MACROD2: variants seen among roughly 807,000 people sequenced by gnomAD.
MACROD2 encodes mono-ADP ribosylhydrolase 2, also known as ADP-ribose glycohydrolase MACROD2.
In MACROD2, 36 loss-of-function variants were observed where a neutral mutation model predicts 70.4. The ratio of observed to expected loss-of-function variants is 0.51; its 90% CI spans 0.39 to 0.68. The LOEUF is 0.68. MACROD2 is among the 30% of genes least tolerant of loss of function. The probability of loss-of-function intolerance (pLI) is 0.00; values close to 1 mark genes in which losing one functional copy is unlikely to be tolerated. For missense variants in MACROD2, 496 were observed against 538.4 expected (o/e 0.92, Z 0.78); for synonymous variants, 172 against 178.8 (o/e 0.96, Z 0.30).
chr20:15,651,641 G>T (rs530715930), intron 8 of MACROD2, among the ~76,000 whole-genome samples: 11 of 152,150 alleles, frequency 7.2e-5, no homozygotes, highest in African/African-American at 1.7e-4. Flanking sequence ...CAGTGACTCC[G>T]CTTTCAATCC....
chr20:15,520,933 G>C (rs1221697387), intron 8 of MACROD2, among the ~76,000 whole-genome samples: 1 of 152,248 alleles, frequency 6.6e-6, no homozygotes, highest in Admixed American at 6.5e-5. Flanking sequence ...TCATGGCGGA[G>C]CTGCAGCCCT....
chr20:15,450,712 G>A (rs2046629513), intron 7 of MACROD2, among the ~76,000 whole-genome samples: 1 of 152,128 alleles, frequency 6.6e-6, no homozygotes, highest in South Asian at 2.1e-4. Context: ...GTGACAATGA[G>A]CTTTCTCCCA....
chr20:15,147,745 A>G (rs903595282), intron 5 of MACROD2, among the ~76,000 whole-genome samples: 2 of 152,154 alleles, frequency 1.3e-5, no homozygotes, highest in African/African-American at 2.4e-5. Context: ...TGTGAGCAAC[A>G]AGACTGTTTA....
chr20:15,170,555 G>A (rs1241673438), intron 5 of MACROD2, among the ~76,000 whole-genome samples: 1 of 152,138 alleles, frequency 6.6e-6, no homozygotes, highest in African/African-American at 2.4e-5. Flanking sequence ...GGGAGAGTTA[G>A]GACATGCTGG....
chr20:15,176,048 T>A (rs1054826945), intron 5 of MACROD2, among the ~76,000 whole-genome samples: 1 of 152,176 alleles, frequency 6.6e-6, no homozygotes, highest in African/African-American at 2.4e-5. Context: ...CAGAGCAAAG[T>A]TGTGGCTGAG....
intron 5 of MACROD2, among the ~76,000 whole-genome samples, chr20:14,955,229 A>G (rs2074523899): frequency 7.3e-6 from 1 of 137,370 alleles, no homozygotes; most frequent in Non-Finnish European, 1.5e-5. Flanking sequence ...TATATAATAT[A>G]TAATTTTTAT....
At chr20:15,861,256 A>G (rs1210567467) in intron 8 of MACROD2, among the ~76,000 whole-genome samples, 1 of 152,196 alleles carries the variant, frequency 6.6e-6, no homozygotes, top group Non-Finnish European at 1.5e-5. Context: ...CTGTCACTCA[A>G]CATTATGATT....
intron 3 of MACROD2, among the ~76,000 whole-genome samples, chr20:14,232,829 G>A (rs1292782051): frequency 6.6e-6 from 1 of 152,244 alleles, no homozygotes; most frequent in Non-Finnish European, 1.5e-5. Flanking sequence ...TCAGCCAACT[G>A]TTTGGCACAT....
intron 5 of MACROD2, among the ~76,000 whole-genome samples, chr20:14,695,796 A>G (rs1304752114): frequency 2.0e-5 from 3 of 152,196 alleles, no homozygotes; most frequent in Non-Finnish European, 4.4e-5. Context: ...CTTGACTCCA[A>G]CATCATGAAA....
At chr20:14,450,690 A>G (rs1392443937) in intron 3 of MACROD2, among the ~76,000 whole-genome samples, 2 of 152,158 alleles carry the variant, frequency 1.3e-5, no homozygotes, top group Non-Finnish European at 2.9e-5. Context: ...CTATATAGTT[A>G]TACTTAAGGC....
At chr20:15,916,998 C>T (rs890057363) in intron 10 of MACROD2, among the ~76,000 whole-genome samples, 1 of 152,214 alleles carries the variant, frequency 6.6e-6, no homozygotes, top group Admixed American at 6.5e-5. Context: ...ATTTTTATTA[C>T]AACCCTTTGA....
chr20:14,200,722 C>T (rs1386408877), intron 3 of MACROD2, among the ~76,000 whole-genome samples: 1 of 152,148 alleles, frequency 6.6e-6, no homozygotes, highest in Admixed American at 6.5e-5. Flanking sequence ...TTTGGTAAAT[C>T]ATTGTCATCT....
intron 4 of MACROD2, among the ~76,000 whole-genome samples, chr20:14,634,934 A>G (rs1162884032): frequency 6.6e-6 from 1 of 152,170 alleles, no homozygotes; most frequent in Non-Finnish European, 1.5e-5. Context: ...TGTCTGGGCA[A>G]TCTGCAGGGA....
intron 5 of MACROD2, among the ~76,000 whole-genome samples, chr20:15,194,291 A>G (rs1216474315): frequency 6.7e-6 from 1 of 148,636 alleles, no homozygotes; most frequent in Non-Finnish European, 1.5e-5. Flanking sequence ...GAAATCAGTC[A>G]GGTAAAGCTA....
chr20:15,741,683 T>A (rs1315840566), intron 8 of MACROD2, among the ~76,000 whole-genome samples: 1 of 152,138 alleles, frequency 6.6e-6, no homozygotes, highest in Non-Finnish European at 1.5e-5. Flanking sequence ...CCTTAATCCC[T>A]TAGTCTGCTT....
At chr20:15,681,794 A>G (rs778864815) in intron 8 of MACROD2, among the ~76,000 whole-genome samples, 24 of 152,214 alleles carry the variant, frequency 1.6e-4, no homozygotes, top group Admixed American at 5.9e-4. Flanking sequence ...GAGGTGTGTA[A>G]TGGAATAAAA....
Position 14,002,368 on chromosome 20 carries a change from T to C in MACROD2, c.127T>C (p.Trp43Arg). The part of the protein sequence containing the change: ...DYIPLNSILS[W>R]KEEMKGKGQN... ...TATTCCCCTGAACAGCATTCTATCA[T>C]GGAAGGAGGAGATGAAGGGCAAGGG... The change falls in exon 2 of 18, where the codon TGG (tryptophan) becomes CGG (arginine). Residue 43 changes from tryptophan to arginine, a missense_variant. By Grantham distance (101) the Trp-to-Arg change is moderately radical. Coordinates refer to ENST00000684519, the MANE Select transcript of MACROD2 (RefSeq NM_001351661.2). 6.2e-7 allele frequency: 1 copy of C among 1,607,996 alleles called. No individual in the cohort carries two copies. Among genetic ancestry groups the C allele is most frequent in the Non-Finnish European group, 8.5e-7 (1 of 1,177,570 alleles).
chr20:14,477,919 C>G (rs1307424216), intron 3 of MACROD2, among the ~76,000 whole-genome samples: 2 of 152,084 alleles, frequency 1.3e-5, no homozygotes, highest in East Asian at 1.9e-4. Flanking sequence ...AAGGGAGCTT[C>G]CAGTGGTCAA....
chr20:16,026,355 C>T (rs1361123348), intron 15 of MACROD2, among the ~76,000 whole-genome samples: 1 of 152,182 alleles, frequency 6.6e-6, no homozygotes, highest in Non-Finnish European at 1.5e-5. Context: ...AGTGATGTCC[C>T]TGGCATGTGA....
Sources: gnomAD v4.1 joint callset for allele counts (sites outside exome capture counted in the v4.1 genomes callset) on GRCh38, gnomAD v4.1.1 for gene constraint, MANE v1.5 for transcripts, NCBI Gene and HGNC (gene_info 2026-07-23, HGNC 2026-07-21) for gene names.